The following DNM3 variants were observed in gnomAD, a reference collection of about 807,000 sequenced individuals.
DNM3 encodes the protein dynamin 3.
In DNM3, 47 loss-of-function variants were observed where a neutral mutation model predicts 101.6. The observed-to-expected ratio is 0.46, with a 90% CI of 0.37 to 0.59. The LOEUF (loss-of-function observed/expected upper bound fraction) is 0.59. Ranked by LOEUF, DNM3 falls within the 20% of genes least tolerant of loss-of-function variation. DNM3 has a pLI of 0.00. For missense variants in DNM3, 849 were observed against 1,085.7 expected (o/e 0.78, Z 3.06); for synonymous variants, 385 against 387.9 (o/e 0.99, Z 0.09).
At chr1:172,243,514 G>T (rs1448929197) in intron 14 of DNM3, among the ~76,000 whole-genome samples, 3 of 152,102 alleles carry the variant, frequency 2.0e-5, no homozygotes, top group Admixed American at 6.6e-5. Context: ...CTCCAGCTGG[G>T]GTAATGTCAA....
chr1:171,918,435 T>C (rs2039893482), intron 1 of DNM3, among the ~76,000 whole-genome samples: 1 of 152,086 alleles, frequency 6.6e-6, no homozygotes, highest in Admixed American at 6.5e-5. Context: ...ACAGCAAGAG[T>C]GTGCTGGGCA....
chr1:172,139,897 C>G (rs1279206836), intron 14 of DNM3: 1 of 151,938 alleles, frequency 6.6e-6, no homozygotes, highest in Non-Finnish European at 1.5e-5. Flanking sequence ...TATCAATTAT[C>G]AATTCACATC....
intron 15 of DNM3, among the ~76,000 whole-genome samples, chr1:172,262,924 T>C (rs2062721023): frequency 6.6e-6 from 1 of 152,214 alleles, no homozygotes; most frequent in African/African-American, 2.4e-5. Context: ...ACCTTTTGGT[T>C]ACTGAAACTG....
At chr1:171,973,798 G>T (rs937650979) in intron 2 of DNM3, among the ~76,000 whole-genome samples, 1 of 151,790 alleles carries the variant, frequency 6.6e-6, no homozygotes, top group African/African-American at 2.4e-5. Context: ...CAAATAGTTG[G>T]GTCTACAGGC....
intron 1 of DNM3, among the ~76,000 whole-genome samples, chr1:171,909,566 G>A (rs766940496): frequency 4.6e-5 from 7 of 152,068 alleles, no homozygotes; most frequent in Non-Finnish European, 1.0e-4. Context: ...ATTAAATGAT[G>A]TGGTGAGGTT....
At chr1:172,084,513 T>G (rs987035155) in intron 12 of DNM3, among the ~76,000 whole-genome samples, 2 of 152,142 alleles carry the variant, frequency 1.3e-5, no homozygotes, top group Non-Finnish European at 2.9e-5. Flanking sequence ...TATGTCGACT[T>G]GGAATTGACA....
intron 14 of DNM3, among the ~76,000 whole-genome samples, chr1:172,184,415 G>A (rs1321873498): frequency 1.3e-5 from 2 of 152,030 alleles, no homozygotes; most frequent in Non-Finnish European, 2.9e-5. Context: ...TCTGCAGTTG[G>A]GAGTTGGTGA....
chr1:171,930,779 T>C (rs1042598598), intron 2 of DNM3, among the ~76,000 whole-genome samples: 1 of 152,218 alleles, frequency 6.6e-6, no homozygotes, highest in African/African-American at 2.4e-5. Context: ...CAGTTGAGCG[T>C]GCTGTATTTA....
chr1:171,900,889 A>T (rs1278349710), intron 1 of DNM3, among the ~76,000 whole-genome samples: 1 of 151,954 alleles, frequency 6.6e-6, no homozygotes, highest in Non-Finnish European at 1.5e-5. Context: ...CGGGCGGATC[A>T]CGAGGTCAGG....
At chr1:172,131,064 A>T in intron 13 of DNM3, 111 bp from the exon 14 acceptor site, 1 of 901,474 alleles carries the variant, frequency 1.1e-6, no homozygotes. Context: ...GAGGGAAAAT[A>T]CTATTTTTAT....
At chr1:171,944,412 G>C (rs911980013) in intron 2 of DNM3, among the ~76,000 whole-genome samples, 1 of 151,662 alleles carries the variant, frequency 6.6e-6, no homozygotes, top group African/African-American at 2.4e-5. Flanking sequence ...GTCTCACTCT[G>C]TCACCCAGGC....
At chr1:172,281,625 T>C (rs2063493808) in intron 15 of DNM3, among the ~76,000 whole-genome samples, 1 of 152,196 alleles carries the variant, frequency 6.6e-6, no homozygotes, top group East Asian at 1.9e-4. Flanking sequence ...ATATAAGTAA[T>C]TATTGTTACT....
chr1:172,095,767 G>A (rs1046014854), intron 13 of DNM3, among the ~76,000 whole-genome samples: 5 of 152,218 alleles, frequency 3.3e-5, no homozygotes, highest in Non-Finnish European at 4.4e-5. Context: ...TTTAAGAAGG[G>A]CAAAACTCTT....
intron 1 of DNM3, among the ~76,000 whole-genome samples, chr1:171,880,133 A>C (rs1007755457): frequency 2.0e-5 from 3 of 152,262 alleles, no homozygotes; most frequent in Admixed American, 1.3e-4. Flanking sequence ...AATGTGCTGT[A>C]TCAGCCACAG....
intron 20 of DNM3, chr1:172,394,139 T>G (rs2069766234): frequency 6.6e-6 from 1 of 152,252 alleles, no homozygotes; most frequent in South Asian, 2.1e-4. Flanking sequence ...TTTTTAATTC[T>G]TCAAGTCTTG....
chr1:172,243,777 G>C (rs945877529), intron 14 of DNM3, among the ~76,000 whole-genome samples: 37 of 152,110 alleles, frequency 2.4e-4, no homozygotes, highest in Admixed American at 1.3e-3. Flanking sequence ...ATATAATTCT[G>C]ATTAAAGCAA....
intron 15 of DNM3, among the ~76,000 whole-genome samples, chr1:172,297,988 C>T (rs2064248487): frequency 6.6e-6 from 1 of 152,074 alleles, no homozygotes; most frequent in Non-Finnish European, 1.5e-5. Context: ...ACACCCTCAT[C>T]ATTTCTGTCC....
At chr1:172,204,226 T>C (rs896989854) in intron 14 of DNM3, among the ~76,000 whole-genome samples, 3 of 152,164 alleles carry the variant, frequency 2.0e-5, no homozygotes, top group Non-Finnish European at 4.4e-5. Context: ...TGGTATGTTT[T>C]ATTGTTTTTA....
chr1:172,061,521 A>G (rs2051204125), intron 10 of DNM3, among the ~76,000 whole-genome samples: 1 of 151,846 alleles, frequency 6.6e-6, no homozygotes, highest in Non-Finnish European at 1.5e-5. Flanking sequence ...TGCAGCCATA[A>G]AAAATGATGA....
Sources: gnomAD v4.1 joint callset for allele counts (sites outside exome capture counted in the v4.1 genomes callset) on GRCh38, gnomAD v4.1.1 for gene constraint, MANE v1.5 for transcripts, NCBI Gene and HGNC (gene_info 2026-07-23, HGNC 2026-07-21) for gene names.